Variants in MAP4K4 observed in about 807,000 individuals in gnomAD.
The protein encoded by MAP4K4 is mitogen-activated protein kinase kinase kinase kinase 4, also known as HPK/GCK-like kinase HGK.
A neutral mutation model predicts 189.6 loss-of-function variants in MAP4K4; 38 were observed. The ratio of observed to expected loss-of-function variants is 0.20; its 90% confidence interval spans 0.15 to 0.26. The LOEUF (loss-of-function observed/expected upper bound fraction) is 0.26, where lower values mean the gene tolerates loss of function less well. Among genes scored for constraint, MAP4K4 ranks in the 10% least tolerant of loss-of-function variants. The pLI, the probability that MAP4K4 is intolerant of heterozygous loss-of-function variation, is 1.00. For synonymous variants in MAP4K4, 610 were observed against 624.3 expected, an observed-to-expected ratio of 0.98 and a Z score of 0.34; for missense variants, 1,054 against 1,726.9, an observed-to-expected ratio of 0.61 and a Z score of 6.91.
chr2:101,747,055 C>A (rs1431825880), intron 2 of MAP4K4, among the ~76,000 whole-genome samples: 1 of 152,106 alleles, frequency 6.6e-6, no homozygotes, highest in African/African-American at 2.4e-5. Flanking sequence ...GAGTTTAGGA[C>A]AAGACCAGGA....
At chr2:101,877,213 A>G in intron 27 of MAP4K4, 67 bp downstream of exon 27, 4 of 1,519,852 alleles carry the variant, frequency 2.6e-6, no homozygotes, top group East Asian at 2.3e-5. Context: ...TTTACACACT[A>G]AACTTCAGTT....
intron 2 of MAP4K4, among the ~76,000 whole-genome samples, chr2:101,733,582 G>GA (rs2059325047): frequency 6.6e-6 from 1 of 152,182 alleles, no homozygotes; most frequent in African/African-American, 2.4e-5. Flanking sequence ...TAGCTGGTTG[G>GA]CTTGTCAGCT....
rs866907499 is a variant in MAP4K4 at position 101,760,560 on chromosome 2, A to G, written c.124-30160A>G. On this transcript the variant is annotated intron_variant, in intron 2 of 32. Transcript: ENST00000324219. ...TGTGTGTGTGTGTGTGTGTGTGTGT[A>G]TATGTATTTATATTCTCACACTATT... 4.6e-3 allele frequency among the ~76,000 whole-genome samples: 643 copies of G among 140,826 alleles called. 2 individuals are homozygous for G. The highest frequency in any genetic ancestry group is 5.6e-3 in the Non-Finnish European group (359 of 64,236). 92.4% of individuals were successfully genotyped at this position (140,826 alleles called of 152,430 possible).
chr2:101,893,353 C>T (rs951172473), exon 33 of MAP4K4: 29 of 425,170 alleles, frequency 6.8e-5, no homozygotes, highest in Middle Eastern at 7.0e-4. Flanking sequence ...AGGCCAAAGC[C>T]GCCTACTGGT....
At chr2:101,858,658 A>C (rs2097547997) in intron 13 of MAP4K4, among the ~76,000 whole-genome samples, 2 of 152,232 alleles carry the variant, frequency 1.3e-5, no homozygotes, top group Non-Finnish European at 2.9e-5. Context: ...TTTAATTAAA[A>C]TCTTGATTTC....
intron 2 of MAP4K4, among the ~76,000 whole-genome samples, chr2:101,721,197 A>T (rs974470838): frequency 1.3e-5 from 2 of 152,216 alleles, no homozygotes; most frequent in African/African-American, 4.8e-5. Flanking sequence ...AATTGTCAAT[A>T]CATCATACAA....
chr2:101,763,423 A>G (rs1053254382), intron 2 of MAP4K4, among the ~76,000 whole-genome samples: 3 of 152,202 alleles, frequency 2.0e-5, no homozygotes, highest in Non-Finnish European at 4.4e-5. Flanking sequence ...CAGTATATAC[A>G]TATCATTTTC....
intron 2 of MAP4K4, among the ~76,000 whole-genome samples, chr2:101,712,903 CTTT>C (rs34317575): frequency 3.8e-5 from 5 of 130,526 alleles, no homozygotes; most frequent in Non-Finnish European, 6.6e-5. Flanking sequence ...AAACCAAAAT[CTTT>C]TTTTTTTTTT....
chr2:101,857,050 C>T (rs1165244623), intron 13 of MAP4K4, among the ~76,000 whole-genome samples: 1 of 152,174 alleles, frequency 6.6e-6, no homozygotes, highest in Non-Finnish European at 1.5e-5. Flanking sequence ...AGCGCGTGTG[C>T]TTTAACATTC....
At chr2:101,841,623 C>T (rs1297942501) in intron 10 of MAP4K4, among the ~76,000 whole-genome samples, 1 of 152,104 alleles carries the variant, frequency 6.6e-6, no homozygotes, top group Non-Finnish European at 1.5e-5. Context: ...CATGTACCAC[C>T]ACACCCGGCT....
At chr2:101,756,360 T>C (rs1330471452) in intron 2 of MAP4K4, among the ~76,000 whole-genome samples, 1 of 152,184 alleles carries the variant, frequency 6.6e-6, no homozygotes, top group Admixed American at 6.5e-5. Context: ...ATCTGGAAGC[T>C]GAGTAGATGC....
chr2:101,843,874 C>T (rs2097002487), intron 11 of MAP4K4, among the ~76,000 whole-genome samples: 1 of 152,054 alleles, frequency 6.6e-6, no homozygotes, highest in South Asian at 2.1e-4. Flanking sequence ...TCTTGTCAAG[C>T]AAACATCTAG....
At chr2:101,858,162 A>G (rs1358523803) in intron 13 of MAP4K4, among the ~76,000 whole-genome samples, 5 of 152,188 alleles carry the variant, frequency 3.3e-5, no homozygotes, top group Admixed American at 3.3e-4. Context: ...GGAGCTTTAG[A>G]GCATGCTAGG....
At chr2:101,738,527 G>T (rs2149718807) in intron 2 of MAP4K4, among the ~76,000 whole-genome samples, 1 of 152,266 alleles carries the variant, frequency 6.6e-6, no homozygotes, top group Non-Finnish European at 1.5e-5. Flanking sequence ...GAGTCGATTT[G>T]TAGAGTGAAA....
intron 27 of MAP4K4, among the ~76,000 whole-genome samples, chr2:101,880,993 C>T (rs887143361): frequency 1.3e-5 from 2 of 152,062 alleles, no homozygotes; most frequent in Non-Finnish European, 2.9e-5. Context: ...CTAGAGTCAG[C>T]TTATTGATAT....
intron 16 of MAP4K4, among the ~76,000 whole-genome samples, chr2:101,862,536 C>G (rs191182390): frequency 3.3e-5 from 5 of 152,148 alleles, no homozygotes; most frequent in African/African-American, 1.2e-4. Flanking sequence ...AGTTAAACTT[C>G]GCATAAATGG....
chr2:101,805,348 T>C (rs1010323327), intron 3 of MAP4K4, among the ~76,000 whole-genome samples: 2 of 152,178 alleles, frequency 1.3e-5, no homozygotes, highest in Non-Finnish European at 2.9e-5. Flanking sequence ...CTGTTCTTGA[T>C]ATAAATGGAA....
At chr2:101,761,133 A>G (rs1331907663) in intron 2 of MAP4K4, among the ~76,000 whole-genome samples, 2 of 152,258 alleles carry the variant, frequency 1.3e-5, no homozygotes, top group South Asian at 2.1e-4. Flanking sequence ...TGTCAAGGCT[A>G]TAATAATCGC....
chr2:101,779,863 T>C (rs1051973086), intron 2 of MAP4K4, among the ~76,000 whole-genome samples: 3 of 151,734 alleles, frequency 2.0e-5, no homozygotes, highest in Admixed American at 2.0e-4. Context: ...GAGTAAAATA[T>C]GAATATACAG....
Sources: gnomAD v4.1 joint callset for allele counts (sites outside exome capture counted in the v4.1 genomes callset) on GRCh38, gnomAD v4.1.1 for gene constraint, MANE v1.5 for transcripts, NCBI Gene and HGNC (gene_info 2026-07-23, HGNC 2026-07-21) for gene names.